Variants in CNTNAP2 observed in about 807,000 individuals in gnomAD.
The protein encoded by CNTNAP2 is contactin-associated protein-like 2.
A neutral mutation model predicts 155.2 loss-of-function variants in CNTNAP2; 98 were observed. The observed-to-expected ratio is 0.63, with a 90% CI of 0.54 to 0.75. The LOEUF is 0.75. CNTNAP2 is among the 30% of genes least tolerant of loss of function. CNTNAP2 has a pLI of 0.00. For missense variants in CNTNAP2, 1,727 were observed against 1,688.1 expected (o/e 1.02, Z -0.40); for synonymous variants, 651 against 631.2 (o/e 1.03, Z -0.47).
chr7:146,744,839 T>C (rs1283524431), intron 1 of CNTNAP2, among the ~76,000 whole-genome samples: 1 of 152,186 alleles, frequency 6.6e-6, no homozygotes, highest in Non-Finnish European at 1.5e-5. Context: ...AAAGCTTAAG[T>C]TAAGCCCTGT....
Position 147,414,112 on chromosome 7 carries a change from T to C in CNTNAP2, c.1670+18332T>C, listed in dbSNP as rs113408353. On this transcript the variant is annotated intron_variant, in intron 10 of 23. Coordinates refer to ENST00000361727, the MANE Select transcript of CNTNAP2 (RefSeq NM_014141.6). ...TAGCAATGGAAACAGAAAATGGTTT[T>C]TCAATCACTCACTGTGTCTATGCAT... Among the ~76,000 whole-genome samples the C allele has an allele frequency of 4.7e-4, 72 of 152,286 alleles. 1 individual carries two copies. The highest frequency in any genetic ancestry group is 1.7e-3 in the African/African-American group (70 of 41,564).
intron 15 of CNTNAP2, among the ~76,000 whole-genome samples, chr7:148,097,340 T>TAAAAAAAA (rs754030091): frequency 2.4e-3 from 186 of 78,406 alleles, no homozygotes; most frequent in South Asian, 4.7e-3. Context: ...GTGTCATTTG[T>TAAAAAAAA]AAAAAAAAAA....
intron 13 of CNTNAP2, among the ~76,000 whole-genome samples, chr7:147,864,519 A>G (rs1192604338): frequency 6.6e-6 from 1 of 151,500 alleles, no homozygotes; most frequent in Non-Finnish European, 1.5e-5. Context: ...TACCTTGGGC[A>G]GTATGGCCAT....
chr7:147,732,909 A>G (rs1796768632), intron 13 of CNTNAP2, among the ~76,000 whole-genome samples: 1 of 152,044 alleles, frequency 6.6e-6, no homozygotes. Context: ...AATTTGTTTG[A>G]GTTCTTTGTA....
chr7:146,565,331 A>G (rs1374177911), intron 1 of CNTNAP2, among the ~76,000 whole-genome samples: 1 of 152,188 alleles, frequency 6.6e-6, no homozygotes, highest in African/African-American at 2.4e-5. Flanking sequence ...AAAGAAAAAA[A>G]TAAGTACTCC....
At chr7:148,042,580 T>G (rs1802698820) in intron 15 of CNTNAP2, among the ~76,000 whole-genome samples, 1 of 152,172 alleles carries the variant, frequency 6.6e-6, no homozygotes, top group Admixed American at 6.5e-5. Flanking sequence ...TACCCTCTGT[T>G]GTTTTTCCTC....
rs144785782 is a variant in CNTNAP2, at chr7:147,152,812, G to A, written c.1348+20303G>A. On this transcript the variant is annotated intron_variant, in intron 8 of 23. Coordinates refer to ENST00000361727, the MANE Select transcript of CNTNAP2 (RefSeq NM_014141.6). ...ATTAAAAGAAATCTTACAGATCAGA[G>A]TATTCACTGTATTATTTAAAATGGG... Among the ~76,000 whole-genome samples the A allele has an allele frequency of 4.2e-3, 638 of 152,218 alleles. 6 individuals are homozygous for A. The highest frequency in any genetic ancestry group is 0.015 in the African/African-American group (610 of 41,548).
At chr7:148,330,489 GTGGA>G (rs1300180352) in intron 21 of CNTNAP2, among the ~76,000 whole-genome samples, 6 of 140,060 alleles carry the variant, frequency 4.3e-5, no homozygotes, top group African/African-American at 1.6e-4. Flanking sequence ...GACGGATGGA[GTGGA>G]TGGATGGATG....
intron 3 of CNTNAP2, among the ~76,000 whole-genome samples, chr7:146,950,951 A>G (rs1017535722): frequency 5.9e-5 from 9 of 152,172 alleles, no homozygotes; most frequent in East Asian, 1.9e-4. Flanking sequence ...CCTCTCCAGC[A>G]TCTGTTGTTT....
At chr7:148,260,967 G>T (rs576265474) in intron 20 of CNTNAP2, among the ~76,000 whole-genome samples, 2 of 152,156 alleles carry the variant, frequency 1.3e-5, no homozygotes, top group African/African-American at 4.8e-5. Flanking sequence ...TAAAGACAAG[G>T]GTTATTTTAA....
At chr7:148,233,810 A>G (rs1796003081) in intron 20 of CNTNAP2, among the ~76,000 whole-genome samples, 1 of 152,180 alleles carries the variant, frequency 6.6e-6, no homozygotes, top group Admixed American at 6.5e-5. Flanking sequence ...TATAATCCCC[A>G]ATGTTGAAGG....
At chr7:147,696,518 A>G (rs1337565073) in intron 13 of CNTNAP2, among the ~76,000 whole-genome samples, 2 of 152,150 alleles carry the variant, frequency 1.3e-5, no homozygotes, top group Non-Finnish European at 2.9e-5. Flanking sequence ...ATTATCATGA[A>G]CAACCTGTTG....
intron 1 of CNTNAP2, among the ~76,000 whole-genome samples, chr7:146,451,230 G>C (rs946149598): frequency 6.6e-6 from 1 of 152,182 alleles, no homozygotes; most frequent in Non-Finnish European, 1.5e-5. Context: ...ACAGGCGTGA[G>C]CCACCGTGCC....
chr7:147,351,381 G>A (rs1027462874), intron 9 of CNTNAP2, among the ~76,000 whole-genome samples: 2 of 151,476 alleles, frequency 1.3e-5, no homozygotes, highest in African/African-American at 2.4e-5. Flanking sequence ...CTAGAACAAC[G>A]CATAGTTTAT....
intron 14 of CNTNAP2, among the ~76,000 whole-genome samples, chr7:147,914,543 CAAAA>C (rs533915488): frequency 2.3e-5 from 2 of 85,784 alleles, no homozygotes; most frequent in Non-Finnish European, 2.5e-5. Flanking sequence ...TCCATCTAAC[CAAAA>C]AAAAAAAAAA....
chr7:146,146,915 G>A (rs1797965833), intron 1 of CNTNAP2, among the ~76,000 whole-genome samples: 1 of 152,150 alleles, frequency 6.6e-6, no homozygotes, highest in Admixed American at 6.6e-5. Context: ...GTTAGTGAAT[G>A]ATTCACTAAT....
At chr7:147,775,312 T>TATATATATTTATATATATTTATAA (rs1797557043) in intron 13 of CNTNAP2, among the ~76,000 whole-genome samples, 2 of 34,258 alleles carry the variant, frequency 5.8e-5, no homozygotes, top group South Asian at 8.1e-4. Flanking sequence ...TATTTATAAA[T>TATATATATTTATATATATTTATAA]ATATATATAT....
chr7:147,282,395 G>A (rs1020941490), intron 8 of CNTNAP2, among the ~76,000 whole-genome samples: 2 of 151,864 alleles, frequency 1.3e-5, no homozygotes, highest in Non-Finnish European at 2.9e-5. Context: ...GCCATGGTTT[G>A]GATGACATCA....
chr7:147,498,196 C>T (rs1584772461), intron 11 of CNTNAP2, among the ~76,000 whole-genome samples: 2 of 150,506 alleles, frequency 1.3e-5, no homozygotes, highest in South Asian at 4.2e-4. Context: ...AAAAAATCTC[C>T]TCTCTTCTCA....
Sources: allele counts gnomAD v4.1 joint callset (sites outside exome capture counted in the v4.1 genomes callset), GRCh38; gene constraint gnomAD v4.1.1; transcripts MANE v1.5; gene names NCBI Gene and HGNC (gene_info 2026-07-23, HGNC 2026-07-21).